The following EHMT1 variants were observed in gnomAD, a reference collection of about 807,000 sequenced individuals.
The protein encoded by EHMT1 is euchromatic histone lysine methyltransferase 1.
EHMT1 carries 15 observed loss-of-function variants against 147.2 expected under a neutral mutation model. The ratio of observed to expected loss-of-function variants is 0.10; its 90% CI spans 0.07 to 0.16. The LOEUF (loss-of-function observed/expected upper bound fraction) is 0.16, where lower values mean the gene tolerates loss of function less well. Among genes scored for constraint, EHMT1 ranks in the 10% least tolerant of loss-of-function variants. The pLI is 1.00. For missense variants in EHMT1, 1,587 were observed against 1,772.4 expected, an observed-to-expected ratio of 0.90 and a Z score of 1.88; for synonymous variants, 795 against 709.6, an observed-to-expected ratio of 1.12 and a Z score of -1.91.
chr9:137,639,513 G>A (rs774068122), intron 1 of EHMT1, among the ~76,000 whole-genome samples: 1 of 152,130 alleles, frequency 6.6e-6, no homozygotes, highest in East Asian at 1.9e-4. Context: ...TGTGTTTATA[G>A]TTGTTACATC....
At chr9:137,639,103 G>A (rs757228290) in intron 1 of EHMT1, among the ~76,000 whole-genome samples, 7 of 152,118 alleles carry the variant, frequency 4.6e-5, no homozygotes, top group Non-Finnish European at 1.0e-4. Context: ...GACTTTAGAA[G>A]TGTGTCATTT....
intron 18 of EHMT1, among the ~76,000 whole-genome samples, chr9:137,807,513 ATTTG>A (rs1186997546): frequency 8.9e-6 from 1 of 112,824 alleles, no homozygotes; most frequent in Non-Finnish European, 2.1e-5. Flanking sequence ...TTATTTATTT[ATTTG>A]TTTATTTTAA....
intron 1 of EHMT1, among the ~76,000 whole-genome samples, chr9:137,674,115 C>G (rs1328915130): frequency 6.6e-6 from 1 of 152,166 alleles, no homozygotes; most frequent in African/African-American, 2.4e-5. Flanking sequence ...GGGAGACGTT[C>G]TAAAACACCA....
At chr9:137,705,390 G>C (rs1944180949) in intron 1 of EHMT1, among the ~76,000 whole-genome samples, 1 of 152,214 alleles carries the variant, frequency 6.6e-6, no homozygotes, top group African/African-American at 2.4e-5. Flanking sequence ...AACTTCCAAG[G>C]AGCTGGGTTT....
chr9:137,623,822 C>G (rs1334808668), intron 1 of EHMT1, among the ~76,000 whole-genome samples: 1 of 152,074 alleles, frequency 6.6e-6, no homozygotes, highest in African/African-American at 2.4e-5. Flanking sequence ...TTCATTGTTG[C>G]TCTTGAGAAG....
Position 137,803,963 on chromosome 9 carries a change from A to C in EHMT1, c.2712+2979A>C, listed in dbSNP as rs1217437225. On this transcript the variant is annotated intron_variant, in intron 18 of 26. Transcript: ENST00000460843. ...CTACCTAAGACTGTAATTTATAAAC[A>C]AAAGAGGTTTAATTGACTCACCCTT... is the stretch of plus-strand genomic sequence containing the variant. Among the ~76,000 whole-genome samples the C allele has an allele frequency of 1.8e-4, 28 of 152,266 alleles. 1 individual carries two copies.
At chr9:137,710,366 A>G (rs1467904596) in intron 1 of EHMT1, among the ~76,000 whole-genome samples, 1 of 152,146 alleles carries the variant, frequency 6.6e-6, no homozygotes. Flanking sequence ...CCAGCTACTC[A>G]GGTGGGTGAG....
intron 25 of EHMT1, among the ~76,000 whole-genome samples, chr9:137,830,475 T>C (rs758790409): frequency 1.1e-4 from 16 of 152,242 alleles, no homozygotes; most frequent in Non-Finnish European, 2.9e-5. Context: ...AATTCAAATT[T>C]AACAGTGTAG....
At chr9:137,781,956 C>T (rs564006689) in intron 14 of EHMT1, among the ~76,000 whole-genome samples, 2 of 152,302 alleles carry the variant, frequency 1.3e-5, no homozygotes, top group South Asian at 4.1e-4. Flanking sequence ...GTGTGTCTGC[C>T]CTGGTCAGCC....
chr9:137,627,444 T>A (rs957194901), intron 1 of EHMT1, among the ~76,000 whole-genome samples: 11 of 151,668 alleles, frequency 7.3e-5, no homozygotes, highest in Admixed American at 6.6e-4. Flanking sequence ...TTTGTATATT[T>A]AGTAGAAACG....
intron 25 of EHMT1, among the ~76,000 whole-genome samples, chr9:137,825,700 T>C (rs989106799): frequency 3.3e-5 from 5 of 152,222 alleles, no homozygotes; most frequent in Admixed American, 1.3e-4. Context: ...ATTAACTCTT[T>C]AACCTGTGGC....
chr9:137,701,723 G>A (rs1231546674), intron 1 of EHMT1, among the ~76,000 whole-genome samples: 38 of 151,066 alleles, frequency 2.5e-4, no homozygotes, highest in African/African-American at 7.8e-4. Flanking sequence ...CACCTCCCAG[G>A]TTCAAGGAAT....
At chr9:137,701,661 C>T (rs1460288554) in intron 1 of EHMT1, among the ~76,000 whole-genome samples, 2 of 113,310 alleles carry the variant, frequency 1.8e-5, no homozygotes, top group Admixed American at 2.2e-4. Flanking sequence ...GAGTTTTGCT[C>T]TTGTTGCCCA....
At chr9:137,752,207 G>A (rs560647969) in intron 6 of EHMT1, 124 bp from the exon 7 acceptor site, 83 of 1,194,408 alleles carry the variant, frequency 6.9e-5, no homozygotes, top group Admixed American at 9.9e-5. Flanking sequence ...CCCCGCGAGC[G>A]TCTCCGGCGT....
chr9:137,784,210 A>T, intron 15 of EHMT1: 1 of 1,549,738 alleles, frequency 6.5e-7, no homozygotes, highest in Non-Finnish European at 8.7e-7. Flanking sequence ...CAAGAGGAAG[A>T]TGCTCCAGCA....
chr9:137,644,624 C>G (rs1844752156), intron 1 of EHMT1, among the ~76,000 whole-genome samples: 1 of 152,146 alleles, frequency 6.6e-6, no homozygotes, highest in East Asian at 1.9e-4. Flanking sequence ...CCGGGCCCGG[C>G]CAAAAACATT....
At chr9:137,727,553 G>A (rs922692212) in intron 3 of EHMT1, among the ~76,000 whole-genome samples, 3 of 152,164 alleles carry the variant, frequency 2.0e-5, no homozygotes, top group South Asian at 2.1e-4. Context: ...ATGCCCTGTC[G>A]TTTAACACTT....
intron 1 of EHMT1, among the ~76,000 whole-genome samples, chr9:137,677,303 T>C (rs1405460246): frequency 1.3e-5 from 2 of 151,872 alleles, no homozygotes; most frequent in Admixed American, 6.6e-5. Flanking sequence ...TGGCTAACTT[T>C]TGTATTTTCT....
At chr9:137,817,226 T>G in intron 23 of EHMT1, 1 of 626,180 alleles carries the variant, frequency 1.6e-6, no homozygotes, top group Admixed American at 2.3e-5. Flanking sequence ...GCCGAGGTTG[T>G]GGGCTGGGGT....
Sources: allele counts gnomAD v4.1 joint callset (sites outside exome capture counted in the v4.1 genomes callset), GRCh38; gene constraint gnomAD v4.1.1; transcripts MANE v1.5; gene names NCBI Gene and HGNC (gene_info 2026-07-23, HGNC 2026-07-21).